Variants in CNTN1 observed in about 807,000 individuals in gnomAD.
The protein encoded by CNTN1 is contactin-1.
In CNTN1, 38 loss-of-function variants were observed where a neutral mutation model predicts 126.4. The observed-to-expected ratio is 0.30, with a 90% CI of 0.23 to 0.39. CNTN1 has a LOEUF of 0.39. Ranked by LOEUF, CNTN1 falls within the 10% of genes least tolerant of loss-of-function variation. The pLI, the probability that CNTN1 is intolerant of heterozygous loss-of-function variation, is 1.00. For missense variants in CNTN1, 1,009 were observed against 1,248.4 expected (o/e 0.81, Z 2.89); for synonymous variants, 413 against 422.6 (o/e 0.98, Z 0.28).
At chr12:40,700,454 A>C (rs1378002083) in intron 1 of CNTN1, among the ~76,000 whole-genome samples, 3 of 152,038 alleles carry the variant, frequency 2.0e-5, no homozygotes, top group African/African-American at 7.2e-5. Context: ...TGAACCCGGG[A>C]GGCAGAGGTT....
chr12:41,042,435 G>T (rs182073059), intron 23 of CNTN1, among the ~76,000 whole-genome samples: 3 of 152,118 alleles, frequency 2.0e-5, no homozygotes, highest in Non-Finnish European at 4.4e-5. Context: ...TATTAGGTCC[G>T]CTTGGTGCAG....
intron 1 of CNTN1, among the ~76,000 whole-genome samples, chr12:40,773,843 T>C (rs958569805): frequency 3.3e-5 from 5 of 151,260 alleles, no homozygotes; most frequent in African/African-American, 1.2e-4. Flanking sequence ...TCAGCAAACA[T>C]TAGTTTACAT....
At position 41,070,103 on chromosome 12, in the gene CNTN1, A is replaced by G. The variant is rs1250272735; in HGVS notation, c.*68A>G. On this transcript the variant is annotated 3_prime_UTR_variant, in exon 24 of 24. Coordinates refer to ENST00000551295, the MANE Select transcript of CNTN1 (RefSeq NM_001843.4). Reference sequence around the variant, plus strand: ...ACCCTTCAACCCTGGGATGACCACAATTCCTTCCAATTTCTGCGGCTCCAT... The same window carrying G: ...ACCCTTCAACCCTGGGATGACCACAGTTCCTTCCAATTTCTGCGGCTCCAT... The G allele has an allele frequency of 1.5e-6, 2 of 1,359,790 alleles. No homozygotes were observed. The highest frequency in any genetic ancestry group is 2.3e-5 in the South Asian group (2 of 85,900). The allele number at this position is 1,359,790 out of a possible 1,614,324, so 84.2% of individuals were successfully genotyped here.
chr12:40,859,363 C>T (rs1357936094), intron 1 of CNTN1, among the ~76,000 whole-genome samples: 1 of 151,948 alleles, frequency 6.6e-6, no homozygotes. Flanking sequence ...AAGCCTCACA[C>T]TAATGTAAGA....
At chr12:40,784,118 G>A (rs770464513) in intron 1 of CNTN1, among the ~76,000 whole-genome samples, 6 of 152,062 alleles carry the variant, frequency 3.9e-5, no homozygotes, top group Non-Finnish European at 8.8e-5. Flanking sequence ...TTGACTGGGT[G>A]GTTCAGGACT....
At chr12:40,749,825 G>A (rs1007331588) in intron 1 of CNTN1, among the ~76,000 whole-genome samples, 1 of 151,970 alleles carries the variant, frequency 6.6e-6, no homozygotes, top group Admixed American at 6.6e-5. Context: ...TCAGTGAAGC[G>A]GTGTGAGGGG....
chr12:40,974,203 A>G lies in CNTN1; in HGVS notation c.1805-6706A>G, dbSNP rs148337086. Among the ~76,000 whole-genome samples the G allele has an allele frequency of 1.5e-3, 234 of 152,292 alleles. 1 individual carries two copies. The highest frequency in any genetic ancestry group is 2.3e-3 in the Admixed American group (35 of 15,256). The stretch of plus-strand genomic sequence containing the variant: ...AAAACATTAGTAAAATCCAGGAAAG[A>G]TTACCAAATATATTTATAGCAATCA... On this transcript the variant is annotated intron_variant, in intron 15 of 23. Coordinates refer to ENST00000551295, the MANE Select transcript of CNTN1 (RefSeq NM_001843.4).
chr12:40,831,641 T>C (rs2136552947), intron 1 of CNTN1, among the ~76,000 whole-genome samples: 1 of 152,292 alleles, frequency 6.6e-6, no homozygotes, highest in East Asian at 1.9e-4. Flanking sequence ...TATAGCTTTA[T>C]GGATGCTTCA....
chr12:40,824,829 G>C (rs181098573), intron 1 of CNTN1, among the ~76,000 whole-genome samples: 4 of 152,246 alleles, frequency 2.6e-5, no homozygotes, highest in African/African-American at 9.6e-5. Flanking sequence ...ATGGGTAAAT[G>C]ATAATGCCAA....
intron 1 of CNTN1, among the ~76,000 whole-genome samples, chr12:40,893,909 A>T (rs536388835): frequency 2.0e-5 from 3 of 152,242 alleles, no homozygotes; most frequent in East Asian, 3.9e-4. Context: ...AAACTCAAAT[A>T]TAATACGTTC....
At chr12:41,019,128 C>T (rs1007711193) in intron 19 of CNTN1, among the ~76,000 whole-genome samples, 1 of 152,072 alleles carries the variant, frequency 6.6e-6, no homozygotes, top group Admixed American at 6.6e-5. Context: ...TGCACTCCAG[C>T]CTGGGCAACA....
At chr12:40,713,787 A>C (rs1941982888) in intron 1 of CNTN1, among the ~76,000 whole-genome samples, 1 of 152,158 alleles carries the variant, frequency 6.6e-6, no homozygotes, top group Admixed American at 6.6e-5. Flanking sequence ...TGTCCAATCC[A>C]AAACCCCTGT....
intron 1 of CNTN1, among the ~76,000 whole-genome samples, chr12:40,880,100 C>T (rs141341473): frequency 3.3e-5 from 5 of 151,578 alleles, no homozygotes; most frequent in East Asian, 1.9e-4. Context: ...TTTGAGGTGA[C>T]GCAAAGTCAT....
chr12:40,825,733 A>T (rs1941595162), intron 1 of CNTN1, among the ~76,000 whole-genome samples: 1 of 151,840 alleles, frequency 6.6e-6, no homozygotes, highest in Non-Finnish European at 1.5e-5. Context: ...CTTTTCTTTG[A>T]TTTCCCCAGG....
At chr12:40,973,803 A>G (rs1253401167) in intron 15 of CNTN1, among the ~76,000 whole-genome samples, 3 of 152,170 alleles carry the variant, frequency 2.0e-5, no homozygotes, top group Non-Finnish European at 4.4e-5. Context: ...AAGTAGTGGC[A>G]CCAACTCAAA....
Position 40,944,534 on chromosome 12 carries a change from T to C in CNTN1, c.1683+364T>C, listed in dbSNP as rs151043041. ...GCATAGAACTTAATCTTTGTTATAATGATGATCTTAAAGCATTTATGTTAT... is the reference window on the plus strand; with the variant it reads ...GCATAGAACTTAATCTTTGTTATAACGATGATCTTAAAGCATTTATGTTAT... On this transcript the variant is annotated intron_variant, in intron 14 of 23. Coordinates refer to ENST00000551295, the MANE Select transcript of CNTN1 (RefSeq NM_001843.4). 2.4e-3 allele frequency among the ~76,000 whole-genome samples: 369 copies of C among 152,180 alleles called. 1 individual carries two copies. The highest frequency in any genetic ancestry group is 8.6e-3 in the African/African-American group (356 of 41,558).
At chr12:41,036,363 T>C (rs1329096400) in intron 23 of CNTN1, among the ~76,000 whole-genome samples, 1 of 152,158 alleles carries the variant, frequency 6.6e-6, no homozygotes, top group Non-Finnish European at 1.5e-5. Context: ...GAGAAAATGC[T>C]TCATACCTTC....
intron 3 of CNTN1, among the ~76,000 whole-genome samples, chr12:40,914,078 T>C (rs1295947306): frequency 6.6e-6 from 1 of 152,176 alleles, no homozygotes; most frequent in Non-Finnish European, 1.5e-5. Flanking sequence ...ATAATTTTAG[T>C]TTTTAAAAAC....
intron 1 of CNTN1, among the ~76,000 whole-genome samples, chr12:40,829,748 T>C (rs1268129698): frequency 6.6e-6 from 1 of 152,150 alleles, no homozygotes; most frequent in African/African-American, 2.4e-5. Flanking sequence ...AGGAAGGAGA[T>C]ATTACTACCT....
Sources: allele counts gnomAD v4.1 joint callset (sites outside exome capture counted in the v4.1 genomes callset), GRCh38; gene constraint gnomAD v4.1.1; transcripts MANE v1.5; gene names NCBI Gene and HGNC (gene_info 2026-07-23, HGNC 2026-07-21).